Variants in PARD3 observed in about 807,000 individuals in gnomAD.
The protein encoded by PARD3 is par-3 family cell polarity regulator, also known as partitioning defective 3 homolog.
A neutral mutation model predicts 155.4 loss-of-function variants in PARD3; 75 were observed. The observed-to-expected ratio is 0.48, with a 90% CI of 0.40 to 0.58. PARD3 has a LOEUF of 0.58. Ranked by LOEUF, PARD3 falls within the 20% of genes least tolerant of loss-of-function variation. PARD3 has a pLI of 0.00. For synonymous variants in PARD3, 576 were observed against 610.5 expected (o/e 0.94, Z 0.83); for missense variants, 1,642 against 1,721.7 (o/e 0.95, Z 0.82).
rs74874956 is a variant in PARD3, at chr10:34,136,164, A to G, written c.3420-4581T>C. Among the ~76,000 whole-genome samples, 538 of 152,266 alleles carry G rather than the reference A, an allele frequency of 3.5e-3. 1 individual carries two copies. Among genetic ancestry groups the G allele is most frequent in the African/African-American group, 0.012 (503 of 41,544 alleles). On this transcript the variant is annotated intron_variant, in intron 22 of 24. Coordinates refer to ENST00000374788, the MANE Select transcript of PARD3 (RefSeq NM_001184785.2). ...CTATTTACTTTCATTGCACCAAAAT[A>G]ATAAGGCTGGTGGTGCTCTAGTAAC...
chr10:34,284,097 T>G (rs777502505), intron 21 of PARD3, 38 bp downstream of exon 21: 1 of 1,102,908 alleles, frequency 9.1e-7, no homozygotes, highest in Non-Finnish European at 1.3e-6. Flanking sequence ...AAAAAGAACC[T>G]CTTTCTAAGG....
chr10:34,777,917 C>T (rs1352684034), intron 1 of PARD3, among the ~76,000 whole-genome samples: 1 of 151,726 alleles, frequency 6.6e-6, no homozygotes, highest in Non-Finnish European at 1.5e-5. Context: ...GAGCACTGCC[C>T]TCCCTCCCGC....
chr10:34,330,519 T>C (rs573240764), intron 19 of PARD3, among the ~76,000 whole-genome samples: 12 of 152,204 alleles, frequency 7.9e-5, no homozygotes, highest in African/African-American at 2.9e-4. Flanking sequence ...AAAAATGTTT[T>C]TAAGATCACA....
intron 1 of PARD3, among the ~76,000 whole-genome samples, chr10:34,794,998 C>T (rs1347588557): frequency 6.6e-6 from 1 of 152,256 alleles, no homozygotes; most frequent in African/African-American, 2.4e-5. Context: ...CCTAGGCAGG[C>T]TTACTGACTA....
In PARD3 at chr10:34,807,975, T is replaced by C. The variant is rs150479046; in HGVS notation, c.120+6901A>G. Among the ~76,000 whole-genome samples, 40 of 152,354 alleles carry C rather than the reference T, an allele frequency of 2.6e-4. No individual in the cohort carries two copies. The East Asian group carries it at 6.9e-3, about 26-fold the overall frequency. On this transcript the variant is annotated intron_variant, in intron 1 of 24. Coordinates refer to ENST00000374788, the MANE Select transcript of PARD3 (RefSeq NM_001184785.2). ...TTTTAACTTTATTTACTAAAATGTT[T>C]ACTTATTTACTAAATAAGTTAAAAC... is the stretch of plus-strand genomic sequence containing the variant.
chr10:34,652,548 C>T (rs897736694), intron 2 of PARD3, among the ~76,000 whole-genome samples: 1 of 152,142 alleles, frequency 6.6e-6, no homozygotes, highest in South Asian at 2.1e-4. Flanking sequence ...GACTCCAAGA[C>T]AGTCAATATT....
chr10:34,145,213 A>ATT (rs1564429829), intron 22 of PARD3, among the ~76,000 whole-genome samples: 8 of 64,032 alleles, frequency 1.2e-4, no homozygotes, highest in Non-Finnish European at 2.0e-4. Flanking sequence ...ATATATATAT[A>ATT]TATATATATT....
intron 6 of PARD3, among the ~76,000 whole-genome samples, chr10:34,401,426 T>C (rs912011620): frequency 1.3e-5 from 2 of 152,148 alleles, no homozygotes; most frequent in African/African-American, 4.8e-5. Flanking sequence ...ATCTAACTAG[T>C]TTTTCAAGTA....
chr10:34,703,219 C>CAA (rs553311500), intron 1 of PARD3, among the ~76,000 whole-genome samples: 16 of 138,070 alleles, frequency 1.2e-4, no homozygotes, highest in Non-Finnish European at 2.4e-4. Flanking sequence ...CCCATCTGTA[C>CAA]AAAAAAAAAA....
At chr10:34,151,169 T>C (rs1564435120) in intron 22 of PARD3, among the ~76,000 whole-genome samples, 1 of 104,936 alleles carries the variant, frequency 9.5e-6, no homozygotes, top group Non-Finnish European at 2.2e-5. Flanking sequence ...CTTTGTAAGC[T>C]TCATTTTTTT....
intron 1 of PARD3, among the ~76,000 whole-genome samples, chr10:34,703,243 G>T (rs2094311075): frequency 6.6e-6 from 1 of 151,566 alleles, no homozygotes; most frequent in African/African-American, 2.4e-5. Context: ...ATAAAAATAA[G>T]TCAGGTGTGG....
intron 23 of PARD3, among the ~76,000 whole-genome samples, chr10:34,125,627 G>A (rs1947247894): frequency 6.6e-6 from 1 of 152,210 alleles, no homozygotes; most frequent in Admixed American, 6.5e-5. Context: ...ATTAAAGCAG[G>A]CAGAGCCCTA....
chr10:34,321,021 A>G (rs1326794939), intron 19 of PARD3, among the ~76,000 whole-genome samples: 2 of 152,218 alleles, frequency 1.3e-5, no homozygotes, highest in Non-Finnish European at 2.9e-5. Flanking sequence ...TTTGATAGAG[A>G]AAAATCTTTA....
intron 2 of PARD3, among the ~76,000 whole-genome samples, chr10:34,630,388 ATGGCCACAAG>A (rs1564437214): frequency 2.6e-5 from 4 of 151,112 alleles, no homozygotes; most frequent in Admixed American, 6.6e-5. Context: ...ATGACCAACT[ATGGCCACAAG>A]TCCCGACCAG....
In PARD3 at chr10:34,348,122, A is replaced by C. The variant is rs185757507; in HGVS notation, c.2068-7T>G. On this transcript the variant is annotated splice_region_variant and splice_polypyrimidine_tract_variant and intron_variant, in intron 14 of 24. Coordinates refer to ENST00000374788, the MANE Select transcript of PARD3 (RefSeq NM_001184785.2). ...GGCTCCCAGGTGACTTCAGCTACAG[A>C]GTAACGGGTATGGGGGCAAAGAAAA... is the stretch of plus-strand genomic sequence containing the variant. 3.2e-5 allele frequency: 51 copies of C among 1,599,392 alleles called. No individual in the cohort carries two copies. Among genetic ancestry groups the C allele is most frequent in the Non-Finnish European group, 3.7e-5 (43 of 1,173,732 alleles).
At chr10:34,191,309 T>C (rs1228033374) in intron 22 of PARD3, among the ~76,000 whole-genome samples, 1 of 152,026 alleles carries the variant, frequency 6.6e-6, no homozygotes, top group Non-Finnish European at 1.5e-5. Flanking sequence ...TTGGAATATG[T>C]CGACTATGGT....
chr10:34,557,133 T>C (rs74132059), intron 2 of PARD3, among the ~76,000 whole-genome samples: 18 of 152,290 alleles, frequency 1.2e-4, no homozygotes, highest in African/African-American at 4.1e-4. Context: ...ATTGACTCCA[T>C]GATCTCTTTT....
chr10:34,524,980 A>C (rs708401), intron 2 of PARD3, among the ~76,000 whole-genome samples: 12,197 of 152,274 alleles, frequency 0.08, 777 homozygotes, highest in African/African-American at 0.18. Flanking sequence ...TCAATTTGTA[A>C]GCTTTCTGAT....
chr10:34,510,913 CCTTA>C (rs2081362446), intron 3 of PARD3, among the ~76,000 whole-genome samples: 1 of 152,172 alleles, frequency 6.6e-6, no homozygotes, highest in South Asian at 2.1e-4. Context: ...CTAAATAATT[CCTTA>C]CTATTAAATG....
Sources: gnomAD v4.1 joint callset for allele counts (sites outside exome capture counted in the v4.1 genomes callset) on GRCh38, gnomAD v4.1.1 for gene constraint, MANE v1.5 for transcripts, NCBI Gene and HGNC (gene_info 2026-07-23, HGNC 2026-07-21) for gene names.